Variants in DPP10 observed in about 807,000 individuals in gnomAD.
DPP10 encodes dipeptidyl peptidase like 10.
Under a neutral mutation model 120.9 loss-of-function variants are expected in DPP10, and 33 were observed. The observed-to-expected ratio is 0.27, with a 90% CI of 0.21 to 0.37. The LOEUF is 0.37. Ranked by LOEUF, DPP10 falls within the 10% of genes least tolerant of loss-of-function variation. The pLI is 1.00. For synonymous variants in DPP10, 337 were observed against 326.1 expected (o/e 1.03, Z -0.36); for missense variants, 816 against 942.8 (o/e 0.87, Z 1.76).
chr2:114,891,343 T>C lies in DPP10; in HGVS notation c.61-417896T>C, dbSNP rs13398286. 2.9e-3 allele frequency among the ~76,000 whole-genome samples: 443 copies of C among 152,350 alleles called. 1 individual carries two copies. The highest frequency in any genetic ancestry group is 0.01 in the African/African-American group (432 of 41,578). The stretch of plus-strand genomic sequence containing the variant: ...CACAAATCCTGTGACAAATGCTGTT[T>C]GCCACATGTACTTAATATCTAATTG... On this transcript the variant is annotated intron_variant, in intron 1 of 25. Coordinates refer to ENST00000410059, the MANE Select transcript of DPP10 (RefSeq NM_020868.6).
intron 1 of DPP10, among the ~76,000 whole-genome samples, chr2:114,901,242 G>A (rs1693540454): frequency 6.6e-6 from 1 of 152,066 alleles, no homozygotes; most frequent in African/African-American, 2.4e-5. Flanking sequence ...CTATCACCCA[G>A]GCTGGAATGC....
At chr2:115,317,379 T>C (rs531023361) in intron 2 of DPP10, among the ~76,000 whole-genome samples, 1 of 152,332 alleles carries the variant, frequency 6.6e-6, no homozygotes, top group Non-Finnish European at 1.5e-5. Flanking sequence ...CATCCCTTTT[T>C]ATGGCTCATA....
chr2:115,537,113 A>G (rs1488479153), intron 5 of DPP10, among the ~76,000 whole-genome samples: 2 of 152,082 alleles, frequency 1.3e-5, no homozygotes, highest in Non-Finnish European at 2.9e-5. Context: ...AAACTGCAAG[A>G]TGCAGGTTCC....
intron 1 of DPP10, among the ~76,000 whole-genome samples, chr2:114,491,737 T>C (rs1333617203): frequency 6.6e-6 from 1 of 152,218 alleles, no homozygotes; most frequent in Admixed American, 6.5e-5. Context: ...ACATGTCAGG[T>C]AAGTTCTAGA....
In DPP10 at chr2:114,451,094, AT is replaced by A. The variant is rs35588145; in HGVS notation, c.60+8267del. On this transcript the variant is annotated intron_variant, in intron 1 of 25. Transcript: ENST00000410059. Reference sequence around the variant, plus strand: ...TATTTAAAGATCGGCCCTTTATTTGATTTTTTTTTTTGATTCAGTGAAAGAA... The same window carrying A: ...TATTTAAAGATCGGCCCTTTATTTGATTTTTTTTTTGATTCAGTGAAAGAA... Among the ~76,000 whole-genome samples, 347 of 150,192 alleles carry A rather than the reference AT, an allele frequency of 2.3e-3. 2 individuals carry two copies. Among genetic ancestry groups the A allele is most frequent in the South Asian group, 0.017 (83 of 4,750 alleles).
chr2:115,752,015 G>T (rs1678794781), intron 10 of DPP10, among the ~76,000 whole-genome samples: 1 of 151,896 alleles, frequency 6.6e-6, no homozygotes, highest in Non-Finnish European at 1.5e-5. Context: ...AGCCAGGATG[G>T]TCTCCATCTG....
At chr2:115,550,436 A>T (rs1259944328) in intron 5 of DPP10, among the ~76,000 whole-genome samples, 1 of 152,174 alleles carries the variant, frequency 6.6e-6, no homozygotes, top group Non-Finnish European at 1.5e-5. Flanking sequence ...TCTGATGCTT[A>T]CAAAATGTGC....
rs554448716 is a variant in DPP10 at position 115,164,782 on chromosome 2, G to T, written c.61-144457G>T. Among the ~76,000 whole-genome samples, 332 of 152,304 alleles carry T rather than the reference G, an allele frequency of 2.2e-3. 2 individuals are homozygous for T. The highest frequency in any genetic ancestry group is 7.7e-3 in the African/African-American group (318 of 41,554). The stretch of plus-strand genomic sequence containing the variant: ...TCAACCTTCCTCTTTTATTTGATCT[G>T]TTAGTGTCCTCTGGCACAGGGTGCC... On this transcript the variant is annotated intron_variant, in intron 1 of 25. Transcript: ENST00000410059.
intron 17 of DPP10, among the ~76,000 whole-genome samples, chr2:115,783,547 G>A (rs913984296): frequency 6.6e-6 from 1 of 152,128 alleles, no homozygotes; most frequent in Admixed American, 6.5e-5. Flanking sequence ...TAGACACTTA[G>A]TGCATGCCCG....
chr2:115,421,976 CCA>C (rs2070016053), intron 3 of DPP10, among the ~76,000 whole-genome samples: 2 of 151,808 alleles, frequency 1.3e-5, no homozygotes, highest in African/African-American at 2.4e-5. Flanking sequence ...AGCAGCACCC[CCA>C]CCTCTCAAAT....
intron 1 of DPP10, among the ~76,000 whole-genome samples, chr2:114,923,287 G>A (rs560459319): frequency 6.7e-6 from 1 of 149,672 alleles, no homozygotes; most frequent in African/African-American, 2.5e-5. Flanking sequence ...AGGTTCAAGC[G>A]ATTCTCATGC....
chr2:115,139,724 T>TAAAAAAAA (rs55826687), intron 1 of DPP10, among the ~76,000 whole-genome samples: 115 of 56,610 alleles, frequency 2.0e-3, no homozygotes, highest in East Asian at 2.8e-3. Context: ...GTAAAAATAC[T>TAAAAAAAA]AAAAAAAAAA....
intron 3 of DPP10, among the ~76,000 whole-genome samples, chr2:115,473,686 C>A (rs921785975): frequency 2.0e-5 from 3 of 152,150 alleles, no homozygotes; most frequent in Non-Finnish European, 2.9e-5. Flanking sequence ...TTATGTAACA[C>A]TCTAGAAATC....
chr2:115,352,791 A>T (rs1461128981), intron 3 of DPP10, among the ~76,000 whole-genome samples: 1 of 152,110 alleles, frequency 6.6e-6, no homozygotes. Context: ...TGCAAGAAAT[A>T]CTCAGTCCAA....
At chr2:114,882,287 A>G (rs541103453) in intron 1 of DPP10, among the ~76,000 whole-genome samples, 1 of 152,276 alleles carries the variant, frequency 6.6e-6, no homozygotes, top group East Asian at 1.9e-4. Flanking sequence ...GTGGATAAAG[A>G]AAATATGGTA....
intron 2 of DPP10, among the ~76,000 whole-genome samples, chr2:115,331,502 G>C (rs1376950527): frequency 6.6e-6 from 1 of 152,124 alleles, no homozygotes; most frequent in Non-Finnish European, 1.5e-5. Flanking sequence ...TCTTGTGCCA[G>C]TTTTCAAAGG....
At chr2:115,840,567 G>A (rs1052063733) in intron 24 of DPP10, among the ~76,000 whole-genome samples, 183 bp from the exon 25 acceptor site, 1 of 151,626 alleles carries the variant, frequency 6.6e-6, no homozygotes, top group Non-Finnish European at 1.5e-5. Flanking sequence ...CTTGTGATCG[G>A]CCCACCTCGG....
intron 9 of DPP10, among the ~76,000 whole-genome samples, chr2:115,742,538 G>T (rs1677413296): frequency 6.6e-6 from 1 of 152,070 alleles, no homozygotes; most frequent in Non-Finnish European, 1.5e-5. Flanking sequence ...TTTTTAGTAG[G>T]AAGACCTGCT....
At chr2:115,002,675 A>C (rs922211098) in intron 1 of DPP10, among the ~76,000 whole-genome samples, 1 of 152,188 alleles carries the variant, frequency 6.6e-6, no homozygotes, top group Non-Finnish European at 1.5e-5. Context: ...CAAGAAAAAA[A>C]TAACCCCACT....
Sources: gnomAD v4.1 joint callset for allele counts (sites outside exome capture counted in the v4.1 genomes callset) on GRCh38, gnomAD v4.1.1 for gene constraint, MANE v1.5 for transcripts, NCBI Gene and HGNC (gene_info 2026-07-23, HGNC 2026-07-21) for gene names.